Variants in GRID2 observed in about 807,000 individuals in gnomAD.
GRID2 encodes glutamate ionotropic receptor delta type subunit 2, also known as glutamate receptor ionotropic, delta-2.
GRID2 carries 33 observed loss-of-function variants against 114.8 expected under a neutral mutation model. The ratio of observed to expected loss-of-function variants is 0.29; its 90% confidence interval spans 0.22 to 0.38. The LOEUF (loss-of-function observed/expected upper bound fraction) is 0.38, where lower values mean the gene tolerates loss of function less well. Ranked by LOEUF, GRID2 falls within the 10% of genes least tolerant of loss-of-function variation. The pLI is 1.00. For synonymous variants in GRID2, 505 were observed against 449.9 expected, an observed-to-expected ratio of 1.12 and a Z score of -1.55; for missense variants, 1,184 against 1,257.7, an observed-to-expected ratio of 0.94 and a Z score of 0.89.
chr4:93,734,813 G>A (rs549874016), intron 14 of GRID2, among the ~76,000 whole-genome samples: 2 of 152,098 alleles, frequency 1.3e-5, no homozygotes, highest in East Asian at 1.9e-4. Context: ...AGGGAACATT[G>A]CACGCCATTA....
At chr4:92,356,946 C>T (rs1242598593) in intron 1 of GRID2, among the ~76,000 whole-genome samples, 1 of 151,704 alleles carries the variant, frequency 6.6e-6, no homozygotes, top group South Asian at 2.1e-4. Context: ...GGTTGGAATA[C>T]CATATTCTTT....
At position 92,786,638 on chromosome 4, in the gene GRID2, A is replaced by T. The variant is rs572245856; in HGVS notation, c.244+196352A>T. 8.6e-5 allele frequency among the ~76,000 whole-genome samples: 13 copies of T among 152,042 alleles called. No individual in the cohort carries two copies. In the East Asian group the frequency reaches 1.6e-3, roughly 18 times the overall value. ...AATATAAATGTGAATATAAAGGTAG[A>T]TTTTAGGGTGCTGGCAATGTTAAAA... On this transcript the variant is annotated intron_variant, in intron 2 of 15. Coordinates refer to ENST00000282020, the MANE Select transcript of GRID2 (RefSeq NM_001510.4).
At chr4:93,398,755 T>G (rs979334817) in intron 9 of GRID2, among the ~76,000 whole-genome samples, 14 of 151,586 alleles carry the variant, frequency 9.2e-5, no homozygotes, top group East Asian at 5.8e-4. Context: ...CAGTGTTTTT[T>G]TTTTTTTTTT....
At chr4:92,959,052 C>T (rs1185780706) in intron 2 of GRID2, among the ~76,000 whole-genome samples, 5 of 143,256 alleles carry the variant, frequency 3.5e-5, no homozygotes, top group African/African-American at 1.0e-4. Flanking sequence ...TTTGAGTCCA[C>T]TCTTCTTTTT....
intron 14 of GRID2, among the ~76,000 whole-genome samples, chr4:93,718,067 AAC>A (rs1729057508): frequency 1.3e-5 from 2 of 152,184 alleles, no homozygotes; most frequent in South Asian, 4.1e-4. Flanking sequence ...CATCCTGGCT[AAC>A]ACAGTGAAAC....
chr4:93,086,935 A>G (rs1730373935), intron 3 of GRID2, among the ~76,000 whole-genome samples: 1 of 152,162 alleles, frequency 6.6e-6, no homozygotes, highest in African/African-American at 2.4e-5. Flanking sequence ...ACCTCTGATC[A>G]AACATATATT....
At chr4:92,690,200 TA>T (rs55671397) in intron 2 of GRID2, among the ~76,000 whole-genome samples, 378 of 143,066 alleles carry the variant, frequency 2.6e-3, no homozygotes, top group African/African-American at 4.4e-3. Context: ...ACTGAAAGTT[TA>T]AAAAAAAAAA....
intron 1 of GRID2, among the ~76,000 whole-genome samples, chr4:92,510,894 A>T (rs1724213909): frequency 6.6e-6 from 1 of 151,294 alleles, no homozygotes; most frequent in Admixed American, 6.6e-5. Flanking sequence ...GAAGGAATCC[A>T]GTAAAGAGTG....
intron 1 of GRID2, among the ~76,000 whole-genome samples, chr4:92,524,470 C>T (rs934250423): frequency 2.4e-5 from 3 of 127,024 alleles, no homozygotes; most frequent in Admixed American, 8.8e-5. Context: ...TTGGTTATGA[C>T]TTCTCATATA....
rs570979965 is a variant in GRID2 at position 93,604,283 on chromosome 4, G to A, written c.2194-21986G>A. Among the ~76,000 whole-genome samples, 5 of 152,266 alleles carry A rather than the reference G, an allele frequency of 3.3e-5. No homozygotes were observed. The East Asian group carries it at 7.7e-4, about 24-fold the overall frequency. ...TCACAGGCTTAACACTTTAGTAGAGGAAGTAACTACAAATGTGATAGAAAC... is the reference window on the plus strand; with the variant it reads ...TCACAGGCTTAACACTTTAGTAGAGAAAGTAACTACAAATGTGATAGAAAC... On this transcript the variant is annotated intron_variant, in intron 13 of 15. Transcript: ENST00000282020.
intron 11 of GRID2, among the ~76,000 whole-genome samples, chr4:93,486,638 C>T (rs192105089): frequency 2.0e-5 from 3 of 151,576 alleles, no homozygotes; most frequent in Non-Finnish European, 4.4e-5. Context: ...TCTTTTGGTC[C>T]TAAAGTAGCG....
rs150257008 is a variant in GRID2, at chr4:92,955,997, G to A, written c.245-128998G>A. Among the ~76,000 whole-genome samples the A allele has an allele frequency of 5.1e-4, 77 of 152,228 alleles. 1 individual carries two copies. The East Asian group carries it at 0.014, about 28-fold the overall frequency. On this transcript the variant is annotated intron_variant, in intron 2 of 15. Coordinates refer to ENST00000282020, the MANE Select transcript of GRID2 (RefSeq NM_001510.4). ...GCCTCACAAAGTGCTGGGATCACAG[G>A]CATGAGCCACTGCGCCTGGACTTTC... is the stretch of plus-strand genomic sequence containing the variant.
chr4:93,372,620 T>C (rs1763037214), intron 8 of GRID2, among the ~76,000 whole-genome samples: 1 of 152,130 alleles, frequency 6.6e-6, no homozygotes, highest in Non-Finnish European at 1.5e-5. Context: ...GTGTCTCTAG[T>C]GTCTTGTAGA....
chr4:92,953,474 G>T (rs1421608009), intron 2 of GRID2, among the ~76,000 whole-genome samples: 2 of 152,000 alleles, frequency 1.3e-5, no homozygotes, highest in Non-Finnish European at 2.9e-5. Context: ...ACTCATCTGT[G>T]ATCTCACTAT....
At position 93,245,951 on chromosome 4, in the gene GRID2, G is replaced by A. The variant is rs73837734; in HGVS notation, c.1245+7461G>A. On this transcript the variant is annotated intron_variant, in intron 8 of 15. Transcript: ENST00000282020. ...CTAGTTGCTATTCTGACAAGAAGCT[G>A]CTATGTGAGGTGGTGAAAGTAACTT... 6.4e-3 allele frequency among the ~76,000 whole-genome samples: 973 copies of A among 152,338 alleles called. 8 individuals are homozygous for A. The highest frequency in any genetic ancestry group is 0.022 in the African/African-American group (932 of 41,580).
chr4:92,469,996 A>C (rs917045399), intron 1 of GRID2, among the ~76,000 whole-genome samples: 3 of 151,946 alleles, frequency 2.0e-5, no homozygotes, highest in African/African-American at 4.8e-5. Flanking sequence ...AAGTTATCCT[A>C]TACAGACATG....
intron 14 of GRID2, among the ~76,000 whole-genome samples, chr4:93,650,759 AT>A (rs768558146): frequency 2.6e-5 from 4 of 152,316 alleles, no homozygotes; most frequent in African/African-American, 9.6e-5. Context: ...AATGTAAAAA[AT>A]AAATGAGAAA....
At chr4:92,380,121 G>A (rs1046120757) in intron 1 of GRID2, among the ~76,000 whole-genome samples, 2 of 151,806 alleles carry the variant, frequency 1.3e-5, no homozygotes, top group South Asian at 2.1e-4. Context: ...AGCAAAGCAA[G>A]GCTAACAATG....
intron 1 of GRID2, among the ~76,000 whole-genome samples, chr4:92,466,585 T>A (rs564098822): frequency 2.6e-5 from 4 of 152,004 alleles, no homozygotes; most frequent in South Asian, 4.1e-4. Flanking sequence ...ATTCATTTTT[T>A]AAAATTATTT....
Sources: allele counts gnomAD v4.1 joint callset (sites outside exome capture counted in the v4.1 genomes callset), GRCh38; gene constraint gnomAD v4.1.1; transcripts MANE v1.5; gene names NCBI Gene and HGNC (gene_info 2026-07-23, HGNC 2026-07-21).